Variants in RAB9B observed in about 807,000 individuals in gnomAD.
RAB9B encodes the protein RAB9B, member RAS oncogene family.
In RAB9B, 1 loss-of-function variant was observed where a neutral mutation model predicts 8.9. That is an observed-to-expected ratio of 0.11 (90% CI 0.04 to 0.53). The LOEUF is 0.53. Ranked by LOEUF, RAB9B falls within the 20% of genes least tolerant of loss-of-function variation. The pLI is 0.93. For missense variants in RAB9B, 82 were observed against 152.9 expected, an observed-to-expected ratio of 0.54 and a Z score of 2.45; for synonymous variants, 63 against 57.0, an observed-to-expected ratio of 1.10 and a Z score of -0.47.
chrX:103,803,039 A>G, the RAB9B span, among the ~76,000 whole-genome samples: 1 of 111,860 alleles, frequency 8.9e-6, no homozygotes, highest in Non-Finnish European at 1.9e-5. Flanking sequence ...ATATATTTCA[A>G]TTGCTGAATA....
At chrX:103,819,789 G>T (rs1037091817), downstream of RAB9B, among the ~76,000 whole-genome samples, 1 of 111,999 alleles carries the variant, frequency 8.9e-6, no homozygotes, top group African/African-American at 3.2e-5. Flanking sequence ...GGAAACTTGA[G>T]GAAATTAAAA....
At chrX:103,794,019 A>G in the RAB9B span, among the ~76,000 whole-genome samples, 4 of 112,134 alleles carry the variant, frequency 3.6e-5, no homozygotes. Context: ...TCATTGAGAA[A>G]CTACTAAGTA....
intron 2 of RAB9B, among the ~76,000 whole-genome samples, chrX:103,826,252 A>G (rs1364045434): frequency 1.8e-5 from 2 of 112,258 alleles, no homozygotes; most frequent in Middle Eastern, 4.2e-3. Context: ...AAAATTACTG[A>G]GAAGAGAAAG....
chrX:103,800,512 C>T, the RAB9B span, among the ~76,000 whole-genome samples: 183 of 111,524 alleles, frequency 1.6e-3, no homozygotes, highest in Admixed American at 2.5e-3. Flanking sequence ...TTCTAGGTCT[C>T]TTCTTCCCTC....
the RAB9B span, among the ~76,000 whole-genome samples, chrX:103,814,330 A>G: frequency 8.9e-6 from 1 of 112,098 alleles, no homozygotes; most frequent in East Asian, 2.8e-4. Context: ...CCTGCTCCTG[A>G]ATGACTACTG....
At chrX:103,814,742 A>G in the RAB9B span, among the ~76,000 whole-genome samples, 1 of 112,021 alleles carries the variant, frequency 8.9e-6, no homozygotes, top group Non-Finnish European at 1.9e-5. Flanking sequence ...GCAATAAAAA[A>G]TGATAAATGG....
the RAB9B span, chrX:103,787,578 C>T: frequency 2.2e-6 from 1 of 450,805 alleles, no homozygotes; most frequent in Admixed American, 3.5e-5. Context: ...CACTCTTCCC[C>T]TACCCATTCC....
Position 103,825,499 on chromosome X carries a change from C to T in RAB9B, c.286G>A (p.Glu96Lys), listed in dbSNP as rs188884979. 7.4e-6 allele frequency: 9 copies of T among 1,209,658 alleles called. No homozygotes were observed. The highest frequency in any genetic ancestry group is 4.4e-5 in the Admixed American group (2 of 45,683). Residue 96 changes from glutamate to lysine, a missense_variant, in exon 3 of 3, where the codon GAG becomes AAG. Transcript: ENST00000243298. Reference sequence around the variant, plus strand: ...TCTTTCTGCCAGTTACCAAGATTCTCGAAGCTCTGCCGATCATCCACGCTG... The same window carrying T: ...TCTTTCTGCCAGTTACCAAGATTCTTGAAGCTCTGCCGATCATCCACGCTG... ...TFSVDDRQSF[E>K]NLGNWQKEFI...
chrX:103,809,368 T>C, the RAB9B span, among the ~76,000 whole-genome samples: 1 of 111,755 alleles, frequency 8.9e-6, no homozygotes, highest in Non-Finnish European at 1.9e-5. Flanking sequence ...TGGCTCAATC[T>C]TGGCTCACCA....
At chrX:103,813,136 T>A in the RAB9B span, among the ~76,000 whole-genome samples, 170 of 109,577 alleles carry the variant, frequency 1.6e-3, no homozygotes, top group African/African-American at 5.5e-3. Flanking sequence ...TTGGCCAGGA[T>A]GGTCTCGATC....
At chrX:103,782,727 G>A in the RAB9B span, among the ~76,000 whole-genome samples, 8 of 111,891 alleles carry the variant, frequency 7.1e-5, no homozygotes, top group Non-Finnish European at 1.3e-4. Context: ...CACTTGCTAG[G>A]GTGGATGGCT....
chrX:103,784,617 C>T, the RAB9B span, among the ~76,000 whole-genome samples: 1 of 111,973 alleles, frequency 8.9e-6, no homozygotes, highest in Non-Finnish European at 1.9e-5. Flanking sequence ...CCAGGAGCAT[C>T]CAATTTCCAA....
the RAB9B span, among the ~76,000 whole-genome samples, chrX:103,795,714 A>T: frequency 8.9e-6 from 1 of 112,311 alleles, no homozygotes; most frequent in African/African-American, 3.2e-5. Flanking sequence ...AAGTGAAGAG[A>T]AACATAAAAA....
chrX:103,823,506 G>C lies in RAB9B; in HGVS notation c.*1673C>G, dbSNP rs1283006105. The stretch of plus-strand genomic sequence containing the variant: ...TACGTGGCTACAATGGAGAGTTCTA[G>C]GCTGTATTCCTATGAAAGCTCCCAC... On this transcript the variant is annotated 3_prime_UTR_variant, in exon 3 of 3. Transcript: ENST00000243298. 1 of 111,694 alleles carries C rather than the reference G, an allele frequency of 9.0e-6. No individual in the cohort carries two copies. Among genetic ancestry groups the C allele is most frequent in the Non-Finnish European group, 1.9e-5 (1 of 53,182 alleles). 9.2% of individuals were successfully genotyped at this position (111,694 alleles called of 1,213,427 possible). A position where few individuals can be genotyped will look rare whatever the true frequency, so the allele number is the denominator to read the frequency against.
the RAB9B span, chrX:103,776,515 C>G: frequency 8.5e-6 from 1 of 118,102 alleles, no homozygotes; most frequent in Non-Finnish European, 1.7e-5. Flanking sequence ...CACTTCATGG[C>G]TTCTCACGCT....
the RAB9B span, among the ~76,000 whole-genome samples, chrX:103,799,663 C>A: frequency 9.0e-6 from 1 of 111,711 alleles, no homozygotes; most frequent in Non-Finnish European, 1.9e-5. Context: ...ACAACCAATT[C>A]AATAACGCTG....
Position 103,825,194 on chromosome X carries a change from C to T in RAB9B, c.591G>A (p.Gly197=). The change falls in exon 3 of 3, where the codon GGG becomes GGA. Residue 197 remains glycine, a synonymous_variant. Coordinates refer to ENST00000243298, the MANE Select transcript of RAB9B (RefSeq NM_016370.4). ...CTCCCTATCTTTAACAGCACGAAGA[C>T]CCTGCTTTGGAGCCACTGTTCAAGT... The part of the protein sequence containing the change: ...TIDLNSGSKA[G]SSCC The T allele has an allele frequency of 8.3e-7, 1 of 1,208,721 alleles. No individual in the cohort carries two copies. Among genetic ancestry groups the T allele is most frequent in the Non-Finnish European group, 1.1e-6 (1 of 893,995 alleles).
intron 1 of RAB9B, among the ~76,000 whole-genome samples, chrX:103,831,422 C>A (rs1166277747): frequency 9.6e-6 from 1 of 103,736 alleles, no homozygotes; most frequent in Non-Finnish European, 2.0e-5. Flanking sequence ...ACATTTATAT[C>A]CTATATGCAA....
At chrX:103,776,931 T>G in the RAB9B span, 1 of 1,109,705 alleles carries the variant, frequency 9.0e-7, no homozygotes, top group East Asian at 3.0e-5. Flanking sequence ...TCCTTCCAGC[T>G]GAACAAAGTC....
Sources: gnomAD v4.1 joint callset for allele counts (sites outside exome capture counted in the v4.1 genomes callset) on GRCh38, gnomAD v4.1.1 for gene constraint, MANE v1.5 for transcripts, NCBI Gene and HGNC (gene_info 2026-07-23, HGNC 2026-07-21) for gene names.